The following LHFPL3 variants were observed in gnomAD, a reference collection of about 807,000 sequenced individuals.
LHFPL3 encodes the protein LHFPL tetraspan subfamily member 3.
LHFPL3 carries 5 observed loss-of-function variants against 19.3 expected under a neutral mutation model. The observed-to-expected ratio is 0.26, with a 90% CI of 0.14 to 0.54. The LOEUF (loss-of-function observed/expected upper bound fraction) is 0.54. LHFPL3 is among the 20% of genes least tolerant of loss of function. LHFPL3 has a pLI of 0.94. For synonymous variants in LHFPL3, 133 were observed against 126.2 expected, an observed-to-expected ratio of 1.05 and a Z score of -0.36; for missense variants, 249 against 307.4, an observed-to-expected ratio of 0.81 and a Z score of 1.42.
At chr7:104,613,304 C>G (rs1170402133) in intron 1 of LHFPL3, among the ~76,000 whole-genome samples, 1 of 152,116 alleles carries the variant, frequency 6.6e-6, no homozygotes, top group Non-Finnish European at 1.5e-5. Context: ...CTCCATAGAT[C>G]AGTTTAGGGC....
At chr7:104,527,543 A>G (rs1372232856) in intron 1 of LHFPL3, among the ~76,000 whole-genome samples, 1 of 152,202 alleles carries the variant, frequency 6.6e-6, no homozygotes, top group Non-Finnish European at 1.5e-5. Flanking sequence ...ATCCCCAGAA[A>G]TAGGAAGAGT....
intron 1 of LHFPL3, among the ~76,000 whole-genome samples, chr7:104,514,381 A>G (rs746367764): frequency 6.6e-6 from 1 of 152,164 alleles, no homozygotes; most frequent in South Asian, 2.1e-4. Context: ...ATTAGTATCT[A>G]TCTCTCCCAC....
rs145893903 is a variant in LHFPL3, at chr7:104,644,089, A to G, written c.446-92586A>G. ...CTCATTTCTGAACTGACAGTTGTCA[A>G]AATAGCTGGTCATTGATTTCACAGA... On this transcript the variant is annotated intron_variant, in intron 1 of 2. Coordinates refer to ENST00000424859, the MANE Select transcript of LHFPL3 (RefSeq NM_199000.3). Among the ~76,000 whole-genome samples the G allele has an allele frequency of 1.2e-3, 188 of 152,382 alleles. 2 individuals carry two copies. The highest frequency in any genetic ancestry group is 4.3e-3 in the African/African-American group (177 of 41,602).
At chr7:104,704,784 C>A (rs1484555400) in intron 1 of LHFPL3, among the ~76,000 whole-genome samples, 4 of 152,110 alleles carry the variant, frequency 2.6e-5, no homozygotes, top group African/African-American at 9.7e-5. Context: ...CACAAGCATG[C>A]ACCACCATGC....
chr7:104,329,268 G>T (rs751831424), intron 1 of LHFPL3, 44 bp downstream of exon 1: 9 of 1,544,630 alleles, frequency 5.8e-6, no homozygotes, highest in South Asian at 3.8e-5. Flanking sequence ...ACCCCGGGGC[G>T]CCCGAGCCGG....
chr7:104,363,297 T>C (rs1337614775), intron 1 of LHFPL3, among the ~76,000 whole-genome samples: 1 of 152,256 alleles, frequency 6.6e-6, no homozygotes, highest in Non-Finnish European at 1.5e-5. Flanking sequence ...TTTCCCACTG[T>C]AATAATCTTT....
intron 1 of LHFPL3, among the ~76,000 whole-genome samples, chr7:104,476,753 C>T (rs1486888213): frequency 6.6e-6 from 1 of 152,158 alleles, no homozygotes; most frequent in Non-Finnish European, 1.5e-5. Context: ...AGCCACCACG[C>T]CCGGCCAGCT....
intron 1 of LHFPL3, among the ~76,000 whole-genome samples, chr7:104,531,552 A>G (rs1285450059): frequency 6.6e-6 from 1 of 152,172 alleles, no homozygotes. Context: ...CTGGAACCTA[A>G]GACCCCTACA....
At chr7:104,802,824 C>G (rs140709965) in intron 2 of LHFPL3, 1 of 152,422 alleles carries the variant, frequency 6.6e-6, no homozygotes, top group East Asian at 1.9e-4. Context: ...AAGATTCACA[C>G]TGGTCATCTC....
intron 2 of LHFPL3, 83 bp downstream of exon 2, chr7:104,736,994 G>A: frequency 9.1e-7 from 1 of 1,096,468 alleles, no homozygotes; most frequent in Non-Finnish European, 1.3e-6. Flanking sequence ...TCAAATACTA[G>A]TGCTTCCCCT....
chr7:104,891,233 C>A lies in LHFPL3; in HGVS notation c.683-14954C>A, dbSNP rs187407681. ...CTTTTTCAGGCAGCCCCCACAATCA[C>A]AGCAGATTCAGAGAGACTCCCATAA... On this transcript the variant is annotated intron_variant, in intron 2 of 2. Transcript: ENST00000424859. Among the ~76,000 whole-genome samples the A allele has an allele frequency of 2.3e-4, 35 of 152,154 alleles. No individual in the cohort carries two copies. The East Asian group carries it at 5.4e-3, about 23-fold the overall frequency.
intron 1 of LHFPL3, among the ~76,000 whole-genome samples, chr7:104,590,537 G>A (rs1790689823): frequency 6.6e-6 from 1 of 152,162 alleles, no homozygotes; most frequent in African/African-American, 2.4e-5. Flanking sequence ...TTCCAACTAT[G>A]TGGTCAGTTT....
At chr7:104,733,638 C>T (rs1793746057) in intron 1 of LHFPL3, among the ~76,000 whole-genome samples, 1 of 152,144 alleles carries the variant, frequency 6.6e-6, no homozygotes, top group South Asian at 2.1e-4. Context: ...GATGGGTTTC[C>T]TGAATACAGC....
At chr7:104,885,933 G>A (rs1792138954) in intron 2 of LHFPL3, among the ~76,000 whole-genome samples, 2 of 152,116 alleles carry the variant, frequency 1.3e-5, no homozygotes, top group African/African-American at 4.8e-5. Flanking sequence ...TCCTGCCTCT[G>A]CTTTTGCTGA....
At chr7:104,554,684 T>TAGAC (rs1277759063) in intron 1 of LHFPL3, among the ~76,000 whole-genome samples, 35 of 130,872 alleles carry the variant, frequency 2.7e-4, no homozygotes, top group African/African-American at 4.0e-4. Context: ...GATAGATAGA[T>TAGAC]AGATAGACAG....
chr7:104,438,270 G>A (rs2116575283), intron 1 of LHFPL3, among the ~76,000 whole-genome samples: 1 of 151,454 alleles, frequency 6.6e-6, no homozygotes, highest in South Asian at 2.1e-4. Context: ...GCTTGGCTGT[G>A]CAACGAATGA....
intron 2 of LHFPL3, among the ~76,000 whole-genome samples, chr7:104,814,040 G>A (rs1180590704): frequency 1.3e-5 from 2 of 152,252 alleles, no homozygotes; most frequent in East Asian, 3.8e-4. Context: ...ATGCAGACAA[G>A]TGGAGGGTGA....
At chr7:104,827,690 A>C (rs1244429218) in intron 2 of LHFPL3, among the ~76,000 whole-genome samples, 5 of 151,718 alleles carry the variant, frequency 3.3e-5, no homozygotes, top group African/African-American at 4.9e-5. Flanking sequence ...GTCTAAAATT[A>C]TCAGAACAAT....
At chr7:104,565,572 A>G (rs1039343984) in intron 1 of LHFPL3, among the ~76,000 whole-genome samples, 19 of 152,230 alleles carry the variant, frequency 1.2e-4, no homozygotes, top group African/African-American at 4.1e-4. Context: ...GTTTAATCCT[A>G]GGTAAATACT....
Sources: gnomAD v4.1 joint callset for allele counts (sites outside exome capture counted in the v4.1 genomes callset) on GRCh38, gnomAD v4.1.1 for gene constraint, MANE v1.5 for transcripts, NCBI Gene and HGNC (gene_info 2026-07-23, HGNC 2026-07-21) for gene names.